GALNT17: variants seen among roughly 807,000 people sequenced by gnomAD.
The protein encoded by GALNT17 is UDP-GalNAc:polypeptide N-acetylgalactosaminyltransferase-like 3.
A neutral mutation model predicts 63.7 loss-of-function variants in GALNT17; 29 were observed. The ratio of observed to expected loss-of-function variants is 0.46; its 90% CI spans 0.34 to 0.62. The LOEUF is 0.62. Among genes scored for constraint, GALNT17 ranks in the 20% least tolerant of loss-of-function variants. The pLI is 0.01. For missense variants in GALNT17, 603 were observed against 799.6 expected (o/e 0.75, Z 2.97); for synonymous variants, 305 against 318.3 (o/e 0.96, Z 0.45).
At chr7:71,336,577 A>G (rs1256706717) in intron 2 of GALNT17, among the ~76,000 whole-genome samples, 3 of 152,138 alleles carry the variant, frequency 2.0e-5, no homozygotes, top group African/African-American at 4.8e-5. Flanking sequence ...CCCGACTTAT[A>G]AGTGAGAACT....
chr7:71,227,931 G>A lies in GALNT17; in HGVS notation c.238+94891G>A, dbSNP rs541547338. Among the ~76,000 whole-genome samples, 4 of 152,012 alleles carry A rather than the reference G, an allele frequency of 2.6e-5. No individual in the cohort carries two copies. In the South Asian group the frequency reaches 6.2e-4, roughly 24 times the overall value. ...GGATTTCCATGCTAGGTGCTATGTC[G>A]GTTTCTCTGCTTCTGTGCTGGTGGC... is the stretch of plus-strand genomic sequence containing the variant. On this transcript the variant is annotated intron_variant, in intron 1 of 10. Transcript: ENST00000333538.
At chr7:71,216,882 T>A (rs1176864412) in intron 1 of GALNT17, among the ~76,000 whole-genome samples, 1 of 152,176 alleles carries the variant, frequency 6.6e-6, no homozygotes, top group Non-Finnish European at 1.5e-5. Flanking sequence ...CCTTAGTCAT[T>A]TATTTTCTCC....
chr7:71,216,475 A>C (rs560429763), intron 1 of GALNT17, among the ~76,000 whole-genome samples: 2 of 152,168 alleles, frequency 1.3e-5, no homozygotes, highest in South Asian at 4.1e-4. Context: ...TTGCTTTTGG[A>C]GGGGAGAGGG....
intron 5 of GALNT17, among the ~76,000 whole-genome samples, chr7:71,498,331 G>A (rs1260537481): frequency 6.6e-6 from 1 of 151,976 alleles, no homozygotes; most frequent in Non-Finnish European, 1.5e-5. Context: ...ACAAAAATTA[G>A]CCGGGTCTGG....
chr7:71,401,097 C>CT (rs544794124), intron 3 of GALNT17, among the ~76,000 whole-genome samples: 14,852 of 139,960 alleles, frequency 0.11, 1,691 homozygotes, highest in African/African-American at 0.28. Context: ...TTTTCTTTTT[C>CT]TTTTTTTTTT....
chr7:71,133,384 G>T (rs1264219117), intron 1 of GALNT17, among the ~76,000 whole-genome samples: 1 of 137,366 alleles, frequency 7.3e-6, no homozygotes, highest in Admixed American at 7.6e-5. Context: ...GACTGGAGGC[G>T]CGCGGGCAGA....
At chr7:71,697,791 C>T (rs760619794) in intron 9 of GALNT17, among the ~76,000 whole-genome samples, 4 of 152,120 alleles carry the variant, frequency 2.6e-5, no homozygotes, top group Admixed American at 6.5e-5. Flanking sequence ...TAAACTATAA[C>T]AAATATTATT....
At chr7:71,226,584 A>T (rs1789684073) in intron 1 of GALNT17, among the ~76,000 whole-genome samples, 1 of 151,976 alleles carries the variant, frequency 6.6e-6, no homozygotes, top group Non-Finnish European at 1.5e-5. Flanking sequence ...GTTTCAAGTG[A>T]TTCTCCCACC....
intron 5 of GALNT17, among the ~76,000 whole-genome samples, chr7:71,477,759 C>G (rs1787748778): frequency 6.6e-6 from 1 of 152,126 alleles, no homozygotes; most frequent in Non-Finnish European, 1.5e-5. Context: ...AAAAAATTAA[C>G]AGATGTGGTC....
chr7:71,437,831 T>A (rs1786993100), intron 5 of GALNT17, among the ~76,000 whole-genome samples: 1 of 152,110 alleles, frequency 6.6e-6, no homozygotes, highest in Non-Finnish European at 1.5e-5. Flanking sequence ...CTTCCCACCT[T>A]AGTTGCCCAA....
In GALNT17 at chr7:71,420,809, C is replaced by G. The variant is rs1458883435; in HGVS notation, c.765-99C>G. 4 of 1,440,614 alleles carry G rather than the reference C, an allele frequency of 2.8e-6. No homozygotes were observed. In the African/African-American group the frequency reaches 5.6e-5, roughly 20 times the overall value. 89.2% of individuals were successfully genotyped at this position (1,440,614 alleles called of 1,614,324 possible). On this transcript the variant is annotated intron_variant, in intron 4 of 10. Coordinates refer to ENST00000333538, the MANE Select transcript of GALNT17 (RefSeq NM_022479.3). ...TCTGAGTTCCAGCCTTCCCAAAGCC[C>G]AGCCTTAAGTAGCTAAATGCTGTTC...
chr7:71,218,684 A>C (rs1789530082), intron 1 of GALNT17, among the ~76,000 whole-genome samples: 1 of 151,696 alleles, frequency 6.6e-6, no homozygotes, highest in Middle Eastern at 3.2e-3. Flanking sequence ...TTGCATTACC[A>C]CCTGAGCTCC....
intron 3 of GALNT17, among the ~76,000 whole-genome samples, chr7:71,402,716 C>T (rs184637147): frequency 9.4e-4 from 131 of 139,992 alleles, no homozygotes; most frequent in Non-Finnish European, 1.5e-3. Context: ...GAAGGTTATA[C>T]CCTCTGCACT....
chr7:71,632,011 A>G (rs1333481136), intron 6 of GALNT17, among the ~76,000 whole-genome samples: 1 of 151,992 alleles, frequency 6.6e-6, no homozygotes, highest in African/African-American at 2.4e-5. Context: ...TTCACCCAAA[A>G]TGCTGGGATG....
At chr7:71,577,009 C>T (rs1789550311) in intron 6 of GALNT17, among the ~76,000 whole-genome samples, 1 of 152,198 alleles carries the variant, frequency 6.6e-6, no homozygotes, top group Admixed American at 6.5e-5. Flanking sequence ...GGTACGTAGA[C>T]ACCACAGAAT....
chr7:71,513,694 AT>A (rs34808889), intron 5 of GALNT17, among the ~76,000 whole-genome samples: 176 of 146,746 alleles, frequency 1.2e-3, no homozygotes, highest in Middle Eastern at 0.011. Flanking sequence ...CCCCTTGGCT[AT>A]TTTTTTTTTT....
intron 5 of GALNT17, among the ~76,000 whole-genome samples, chr7:71,534,549 A>G (rs1788772984): frequency 6.7e-6 from 1 of 149,428 alleles, no homozygotes; most frequent in South Asian, 2.1e-4. Context: ...CAGTGAGCCA[A>G]GATCGTGCCA....
intron 6 of GALNT17, among the ~76,000 whole-genome samples, chr7:71,654,149 G>C (rs1236998270): frequency 6.6e-6 from 1 of 152,074 alleles, no homozygotes; most frequent in Non-Finnish European, 1.5e-5. Context: ...CTGATTAGCT[G>C]GGATTACAAG....
chr7:71,271,546 TGGCACTCATTCA>T (rs1005747911), intron 1 of GALNT17, among the ~76,000 whole-genome samples: 2 of 152,224 alleles, frequency 1.3e-5, no homozygotes, highest in African/African-American at 4.8e-5. Context: ...AAAAAATCTC[TGGCACTCATTCA>T]GGTTTTTTAT....
Sources: allele counts gnomAD v4.1 joint callset (sites outside exome capture counted in the v4.1 genomes callset), GRCh38; gene constraint gnomAD v4.1.1; transcripts MANE v1.5; gene names NCBI Gene and HGNC (gene_info 2026-07-23, HGNC 2026-07-21).